RNF44: variants seen among roughly 807,000 people sequenced by gnomAD.
The protein encoded by RNF44 is ring finger protein 44.
Under a neutral mutation model 53.6 loss-of-function variants are expected in RNF44, and 25 were observed. The ratio of observed to expected loss-of-function variants is 0.47; its 90% CI spans 0.34 to 0.65. RNF44 has a LOEUF of 0.65. Among genes scored for constraint, RNF44 ranks in the 30% least tolerant of loss-of-function variants. RNF44 has a pLI of 0.01. For synonymous variants in RNF44, 282 were observed against 252.2 expected (o/e 1.12, Z -1.12); for missense variants, 581 against 595.5 (o/e 0.98, Z 0.25).
upstream of RNF44, among the ~76,000 whole-genome samples, chr5:176,540,750 G>A (rs1438131846): frequency 6.6e-6 from 1 of 152,162 alleles, no homozygotes; most frequent in Non-Finnish European, 1.5e-5. Flanking sequence ...GAAACCCTCA[G>A]TAAATCCCCA....
chr5:176,529,601 C>G lies in RNF44; in HGVS notation c.1058G>C (p.Arg353Pro). ...LAERLGDAKP[R>P]GLTKADIEQL... ...CTCTATGTCTGCTTTGGTGAGACCCCGGGGCTTGGCATCTCCCAGCCGCTC... is the reference window on the plus strand; with the variant it reads ...CTCTATGTCTGCTTTGGTGAGACCCGGGGGCTTGGCATCTCCCAGCCGCTC... The change falls in exon 9 of 11, where the codon CGG (arginine) becomes CCG (proline). Residue 353 changes from arginine (R) to proline (P), a missense_variant. Arg to Pro is a moderately radical substitution (Grantham distance 103). Coordinates refer to ENST00000274811, the MANE Select transcript of RNF44 (RefSeq NM_014901.5). 6.2e-7 allele frequency: 1 copy of G among 1,613,940 alleles called. No homozygotes were observed. Among genetic ancestry groups the G allele is most frequent in the Non-Finnish European group, 8.5e-7 (1 of 1,180,024 alleles).
upstream of RNF44, among the ~76,000 whole-genome samples, chr5:176,540,746 C>T (rs999602780): frequency 6.6e-6 from 1 of 152,226 alleles, no homozygotes; most frequent in Non-Finnish European, 1.5e-5. Context: ...CCAGGAAACC[C>T]TCAGTAAATC....
At chr5:176,529,994 G>A in intron 7 of RNF44, 88 bp downstream of exon 7, 1 of 1,468,990 alleles carries the variant, frequency 6.8e-7, no homozygotes, top group Non-Finnish European at 9.0e-7. Flanking sequence ...GAGGCCCTGG[G>A]GCCCCTGGAG....
intron 1 of RNF44, among the ~76,000 whole-genome samples, chr5:176,533,374 G>C (rs1178987341): frequency 6.6e-6 from 1 of 152,198 alleles, no homozygotes; most frequent in East Asian, 1.9e-4. Flanking sequence ...TTCAAGGAAT[G>C]TATAGCTGGC....
At position 176,527,974 on chromosome 5, in the gene RNF44, G is replaced by A. The variant is rs1292794739; in HGVS notation, c.*1054C>T. The stretch of plus-strand genomic sequence containing the variant: ...CCCTGAAAAGCGTCGGGTCCCGGTA[G>A]GCTCTAGGGACGTGTGCAGTACAGT... On this transcript the variant is annotated 3_prime_UTR_variant, in exon 11 of 11. Coordinates refer to ENST00000274811, the MANE Select transcript of RNF44 (RefSeq NM_014901.5). The A allele has an allele frequency of 6.6e-6, 1 of 152,574 alleles. No individual in the cohort carries two copies. Among genetic ancestry groups the A allele is most frequent in the African/African-American group, 2.4e-5 (1 of 41,376 alleles). The allele number at this position is 152,574 out of a possible 1,614,324, so 9.5% of individuals were successfully genotyped here.
chr5:176,530,550 G>A, intron 6 of RNF44, 32 bp downstream of exon 6: 4 of 1,401,040 alleles, frequency 2.9e-6, no homozygotes, highest in Non-Finnish European at 3.7e-6. Context: ...CAGCTGCCCT[G>A]GAGCCCAGGT....
rs1007728249 is a variant in RNF44, at chr5:176,531,743, G to A, written c.298-113C>T. The stretch of plus-strand genomic sequence containing the variant: ...CTGCCGGCTCCCTTCCCTTCTCCAC[G>A]GCGGCCTACCTCAGTGCAGACCAGA... On this transcript the variant is annotated intron_variant, in intron 3 of 10. Coordinates refer to ENST00000274811, the MANE Select transcript of RNF44 (RefSeq NM_014901.5). The surrounding 1 kb of genome is among the most constrained non-coding windows in gnomAD (Gnocchi z 4.2). 8.1e-5 allele frequency: 96 copies of A among 1,186,496 alleles called. No homozygotes were observed. Among genetic ancestry groups the A allele is most frequent in the East Asian group, 4.6e-4 (18 of 38,974 alleles). 73.5% of individuals were successfully genotyped at this position (1,186,496 alleles called of 1,614,324 possible).
In RNF44 at chr5:176,532,492, A is replaced by C; in HGVS notation, c.-20T>G. 4 of 986,238 alleles carry C rather than the reference A, an allele frequency of 4.1e-6. No homozygotes were observed. The highest frequency in any genetic ancestry group is 5.8e-6 in the Non-Finnish European group (4 of 693,768). The allele number at this position is 986,238 out of a possible 1,614,324, so 61.1% of individuals were successfully genotyped here. A position where few individuals can be genotyped will look rare whatever the true frequency, so the allele number is the denominator to read the frequency against. On this transcript the variant is annotated 5_prime_UTR_variant, in exon 2 of 11. Coordinates refer to ENST00000274811, the MANE Select transcript of RNF44 (RefSeq NM_014901.5). ...TCGCATCGGGGGGGCAGGGGGGTGG[A>C]GGGGCTGGGCCGGGACTCACAACCC...
upstream of RNF44, among the ~76,000 whole-genome samples, chr5:176,539,727 A>G (rs2113221037): frequency 6.6e-6 from 1 of 151,420 alleles, no homozygotes; most frequent in East Asian, 1.9e-4. Flanking sequence ...AGGTACCTAC[A>G]TATTTGTTAG....
At position 176,532,763 on chromosome 5, in the gene RNF44, A is replaced by AAAAAAAAG. The variant is rs1358353368; in HGVS notation, c.-44-248_-44-247insCTTTTTTT. Among the ~76,000 whole-genome samples the AAAAAAAAG allele has an allele frequency of 1.5e-3, 210 of 141,894 alleles. 1 individual carries two copies. The highest frequency in any genetic ancestry group is 2.9e-3 in the African/African-American group (102 of 35,464). The allele number at this position is 141,894 out of a possible 152,430, so 93.1% of individuals were successfully genotyped here. On this transcript the variant is annotated intron_variant, in intron 1 of 10. Coordinates refer to ENST00000274811, the MANE Select transcript of RNF44 (RefSeq NM_014901.5). ...CTCCCGTCTCAAAAAAAAAAAAAAA[A>AAAAAAAAG]AAAGAAAGAAACTGAGGCACAGAGA...
chr5:176,533,884 C>T (rs868148035), intron 1 of RNF44, among the ~76,000 whole-genome samples: 1 of 152,188 alleles, frequency 6.6e-6, no homozygotes, highest in Non-Finnish European at 1.5e-5. Context: ...GTTCCTGCCA[C>T]AGGGAGGCTC....
the RNF44 span, among the ~76,000 whole-genome samples, chr5:176,543,246 C>T: frequency 6.8e-6 from 1 of 146,886 alleles, no homozygotes; most frequent in East Asian, 2.0e-4. The surrounding 1 kb of genome is among the most constrained non-coding windows in gnomAD (Gnocchi z 4.0). Flanking sequence ...GCGCAGGGTC[C>T]GGGCCCGGCG....
intron 1 of RNF44, among the ~76,000 whole-genome samples, chr5:176,532,884 C>T (rs1561851446): frequency 2.6e-5 from 4 of 152,168 alleles, no homozygotes; most frequent in Admixed American, 6.5e-5. Context: ...GCCCCTCCTC[C>T]GAGCCCTGGG....
rs1756271234 is a variant in RNF44, at chr5:176,528,740, AAAG to A, written c.*285_*287del. 1 of 489,584 alleles carries A rather than the reference AAAG, an allele frequency of 2.0e-6. No homozygotes were observed. Among genetic ancestry groups the A allele is most frequent in the African/African-American group, 2.0e-5 (1 of 50,608 alleles). 30.3% of individuals were successfully genotyped at this position (489,584 alleles called of 1,614,324 possible). A position where few individuals can be genotyped will look rare whatever the true frequency, so the allele number is the denominator to read the frequency against. On this transcript the variant is annotated 3_prime_UTR_variant, in exon 11 of 11. Coordinates refer to ENST00000274811, the MANE Select transcript of RNF44 (RefSeq NM_014901.5). ...CCCCTGGCACTCAGTGCCAGCAGGA[AAAG>A]GAGGGACCTGAGGGTGCACAGGAGG...
In RNF44 at chr5:176,531,863, T is replaced by G. The variant is rs1756700600; in HGVS notation, c.297+141A>C. 4.9e-6 allele frequency: 5 copies of G among 1,014,994 alleles called. No individual in the cohort carries two copies. The highest frequency in any genetic ancestry group is 7.1e-6 in the Non-Finnish European group (5 of 702,500). 62.9% of individuals were successfully genotyped at this position (1,014,994 alleles called of 1,614,324 possible). On this transcript the variant is annotated intron_variant, in intron 3 of 10. Coordinates refer to ENST00000274811, the MANE Select transcript of RNF44 (RefSeq NM_014901.5). This position sits in a 1 kb window ranked among gnomAD's most constrained non-coding sequence, Gnocchi z 4.2. ...GTGTGGCCCTTTCCCCGGGCCTCAG[T>G]TTACCTACCTGTAAAGCAGGGCCAA...
chr5:176,534,155 C>T (rs555352768), intron 1 of RNF44, among the ~76,000 whole-genome samples: 2 of 152,250 alleles, frequency 1.3e-5, no homozygotes, highest in Non-Finnish European at 2.9e-5. Flanking sequence ...ACCTTGTGTC[C>T]AGCTCAGGGC....
Position 176,530,739 on chromosome 5 carries a change from A to G in RNF44, c.644T>C (p.Leu215Pro). 1 of 1,534,850 alleles carries G rather than the reference A, an allele frequency of 6.5e-7. No individual in the cohort carries two copies. The highest frequency in any genetic ancestry group is 1.2e-5 in the South Asian group (1 of 81,056). ...GTCCACGTCGTTGTCGAGCCGCTGGAGGGGCTGGAAGAACCAGCGCCGGGT... is the reference window on the plus strand; with the variant it reads ...GTCCACGTCGTTGTCGAGCCGCTGGGGGGGCTGGAAGAACCAGCGCCGGGT... The part of the protein sequence containing the change: ...SLQTQHPRMP[L>P]QRLDNDVDLR... Residue 215 changes from leucine to proline, a missense_variant, in exon 6 of 11, where the codon CTC (leucine) becomes CCC (proline). Leu to Pro is a moderately conservative substitution (Grantham distance 98). Coordinates refer to ENST00000274811, the MANE Select transcript of RNF44 (RefSeq NM_014901.5).
Position 176,531,559 on chromosome 5 carries a change from T to G in RNF44, c.369A>C (p.Thr123=). 1 of 1,613,178 alleles carries G rather than the reference T, an allele frequency of 6.2e-7. No individual in the cohort carries two copies. Residue 123 remains threonine (T), a synonymous_variant, in exon 4 of 11, where the codon ACA becomes ACC. Transcript: ENST00000274811. The surrounding 1 kb of genome is among the most constrained non-coding windows in gnomAD (Gnocchi z 4.2). ...TVTTQGFPLP[T]GQHIPGCSAQ... is the part of the protein sequence containing the mutation. ...CACTGCAGCCAGGGATGTGCTGGCC[T>G]GTAGGCAAGGGGAAGCCTTGGGTCG...
rs143651766 is a variant in RNF44, at chr5:176,532,392, G to C, written c.81C>G (p.Gly27=). The change falls in exon 2 of 11, where the codon GGC becomes GGG. Residue 27 remains glycine, a synonymous_variant. Coordinates refer to ENST00000274811, the MANE Select transcript of RNF44 (RefSeq NM_014901.5). The stretch of plus-strand genomic sequence containing the variant: ...TTCCCCAGAGCTGGCCCGGGGTGCT[G>C]CCAGGTCCCGCAGAGAATCGCCGCT... ...VGQRRFSAGP[G]STPGQLWGSP... 2.5e-6 allele frequency: 4 copies of C among 1,609,760 alleles called. No individual in the cohort carries two copies. Among genetic ancestry groups the C allele is most frequent in the Non-Finnish European group, 3.4e-6 (4 of 1,179,130 alleles).
Sources: allele counts gnomAD v4.1 joint callset (sites outside exome capture counted in the v4.1 genomes callset), GRCh38; gene constraint gnomAD v4.1.1; non-coding constraint Gnocchi (gnomAD v3.1); transcripts MANE v1.5; gene names NCBI Gene and HGNC (gene_info 2026-07-23, HGNC 2026-07-21).